The following SH3KBP1 variants were observed in gnomAD, a reference collection of about 807,000 sequenced individuals.
SH3KBP1 encodes SH3 domain-containing kinase-binding protein 1.
SH3KBP1 carries 8 observed loss-of-function variants against 50.1 expected under a neutral mutation model. That is an observed-to-expected ratio of 0.16 (90% CI 0.09 to 0.29). The LOEUF (loss-of-function observed/expected upper bound fraction) is 0.29. SH3KBP1 is among the 10% of genes least tolerant of loss of function. The pLI is 1.00. For missense variants in SH3KBP1, 377 were observed against 535.2 expected (o/e 0.70, Z 2.92); for synonymous variants, 227 against 218.6 (o/e 1.04, Z -0.34).
intron 1 of SH3KBP1, among the ~76,000 whole-genome samples, chrX:19,884,850 G>A (rs1030650017): frequency 8.9e-6 from 1 of 111,885 alleles, no homozygotes; most frequent in East Asian, 2.8e-4. Flanking sequence ...ACATTCTGAT[G>A]GGCTTTTATA....
Position 19,806,063 on chromosome X carries a change from T to C in SH3KBP1, c.162+30062A>G, listed in dbSNP as rs182991057. The stretch of plus-strand genomic sequence containing the variant: ...CCTAATGGTGAAAAACAAAAACCAA[T>C]GGATACAAGCATCTTCTTAATCCAA... On this transcript the variant is annotated intron_variant, in intron 2 of 17. Coordinates refer to ENST00000397821, the MANE Select transcript of SH3KBP1 (RefSeq NM_031892.3). Among the ~76,000 whole-genome samples the C allele has an allele frequency of 5.3e-4, 59 of 112,005 alleles. 1 individual carries two copies. In the East Asian group the frequency reaches 0.016, roughly 30 times the overall value.
intron 1 of SH3KBP1, among the ~76,000 whole-genome samples, chrX:19,866,039 A>T (rs963216077): frequency 4.5e-5 from 5 of 112,325 alleles, no homozygotes; most frequent in African/African-American, 1.6e-4. Context: ...AAGCTAACAT[A>T]AAGCAAGAGG....
intron 1 of SH3KBP1, among the ~76,000 whole-genome samples, chrX:19,872,391 G>C (rs932663830): frequency 9.1e-6 from 1 of 110,280 alleles, no homozygotes; most frequent in Non-Finnish European, 1.9e-5. Flanking sequence ...ACCTGAACTC[G>C]AGACCAGGAT....
chrX:19,671,384 A>G (rs1303274914), intron 6 of SH3KBP1, among the ~76,000 whole-genome samples: 1 of 110,007 alleles, frequency 9.1e-6, no homozygotes, highest in Non-Finnish European at 1.9e-5. Flanking sequence ...ACACACACAC[A>G]CACACACACA....
rs776917417 is a variant in SH3KBP1, at chrX:19,535,493, G to C, written c.*924C>G. 2 of 112,361 alleles carry C rather than the reference G, an allele frequency of 1.8e-5. No homozygotes were observed. The highest frequency in any genetic ancestry group is 3.2e-5 in the African/African-American group (1 of 30,907). 9.3% of individuals were successfully genotyped at this position (112,361 alleles called of 1,213,427 possible). A position where few individuals can be genotyped will look rare whatever the true frequency, so the allele number is the denominator to read the frequency against. ...AAAGGTGCAAAGGACAGAAAGCAGG[G>C]GTTTAACTTGGCTGATGAAAAATCA... On this transcript the variant is annotated 3_prime_UTR_variant, in exon 18 of 18. Transcript: ENST00000397821.
intron 3 of SH3KBP1, among the ~76,000 whole-genome samples, chrX:19,707,796 T>C (rs1217994506): frequency 9.0e-6 from 1 of 110,537 alleles, no homozygotes; most frequent in Non-Finnish European, 1.9e-5. Flanking sequence ...AGATGTGCAC[T>C]ATGTGGAGAA....
intron 4 of SH3KBP1, among the ~76,000 whole-genome samples, chrX:19,697,777 G>A (rs1330750408): frequency 1.8e-5 from 2 of 111,911 alleles, no homozygotes; most frequent in African/African-American, 6.5e-5. Flanking sequence ...ATACTTAGGG[G>A]ACAGGTGTGT....
chrX:19,759,436 A>G (rs1431205253), intron 2 of SH3KBP1, among the ~76,000 whole-genome samples: 3 of 112,264 alleles, frequency 2.7e-5, no homozygotes, highest in African/African-American at 9.7e-5. Context: ...AGCCCAAGTC[A>G]AGAAAATCTT....
intron 13 of SH3KBP1, among the ~76,000 whole-genome samples, chrX:19,565,293 C>T (rs774720646): frequency 9.1e-6 from 1 of 109,726 alleles, no homozygotes; most frequent in African/African-American, 3.3e-5. Context: ...AACTCCTGAC[C>T]TCAGGTGATC....
chrX:19,868,569 A>G (rs570149594), intron 1 of SH3KBP1, among the ~76,000 whole-genome samples: 1 of 107,136 alleles, frequency 9.3e-6, no homozygotes, highest in Admixed American at 9.9e-5. Context: ...AGTACCCATT[A>G]TCCCCTTCCT....
chrX:19,711,406 C>T (rs911398538), intron 3 of SH3KBP1, among the ~76,000 whole-genome samples: 1 of 111,562 alleles, frequency 9.0e-6, no homozygotes, highest in Non-Finnish European at 1.9e-5. Flanking sequence ...ACCCAGTCCC[C>T]AAAACAGCAC....
chrX:19,832,838 T>C (rs1340175875), intron 2 of SH3KBP1, among the ~76,000 whole-genome samples: 1 of 111,053 alleles, frequency 9.0e-6, no homozygotes, highest in East Asian at 2.9e-4. Flanking sequence ...CAGCAAGGAG[T>C]CCTCTCCGAG....
chrX:19,629,772 C>T (rs1208325416), intron 8 of SH3KBP1, among the ~76,000 whole-genome samples: 1 of 112,208 alleles, frequency 8.9e-6, no homozygotes, highest in Non-Finnish European at 1.9e-5. Flanking sequence ...GAGATGACAA[C>T]GTCATGTTTT....
At chrX:19,557,601 T>C (rs978082149) in intron 13 of SH3KBP1, among the ~76,000 whole-genome samples, 4 of 111,968 alleles carry the variant, frequency 3.6e-5, no homozygotes, top group African/African-American at 1.3e-4. Flanking sequence ...AGATTATGGG[T>C]AAGTATAGCT....
intron 13 of SH3KBP1, among the ~76,000 whole-genome samples, chrX:19,551,255 C>T (rs1289926340): frequency 1.8e-5 from 2 of 111,661 alleles, no homozygotes; most frequent in Non-Finnish European, 3.8e-5. Context: ...GCAGGTATAA[C>T]GAAAGGTTAA....
At chrX:19,649,142 C>G (rs889391113) in intron 6 of SH3KBP1, among the ~76,000 whole-genome samples, 2 of 111,290 alleles carry the variant, frequency 1.8e-5, no homozygotes, top group African/African-American at 6.5e-5. Flanking sequence ...TACAGGATCT[C>G]CCCTTTGGCT....
At chrX:19,599,138 C>T (rs1219121507) in intron 9 of SH3KBP1, among the ~76,000 whole-genome samples, 1 of 111,797 alleles carries the variant, frequency 8.9e-6, no homozygotes, top group African/African-American at 3.3e-5. Flanking sequence ...ATCTTCCTCA[C>T]TCCTTGCTGG....
intron 2 of SH3KBP1, among the ~76,000 whole-genome samples, chrX:19,791,537 A>G (rs1412294595): frequency 3.1e-5 from 2 of 64,358 alleles, no homozygotes; most frequent in Non-Finnish European, 5.3e-5. Context: ...CTAGAGAATG[A>G]AAAAAAAAAA....
intron 13 of SH3KBP1, among the ~76,000 whole-genome samples, chrX:19,567,714 G>A (rs1193336278): frequency 1.9e-5 from 2 of 105,578 alleles, no homozygotes; most frequent in African/African-American, 7.0e-5. Flanking sequence ...GAGAAACTGA[G>A]TAAAGGGTAC....
Sources: gnomAD v4.1 joint callset for allele counts (sites outside exome capture counted in the v4.1 genomes callset) on GRCh38, gnomAD v4.1.1 for gene constraint, MANE v1.5 for transcripts, NCBI Gene and HGNC (gene_info 2026-07-23, HGNC 2026-07-21) for gene names.